MKKS: variants seen among roughly 807,000 people sequenced by gnomAD.
MKKS encodes the protein MKKS centrosomal shuttling protein.
MKKS carries 29 observed loss-of-function variants against 33.2 expected under a neutral mutation model. That is an observed-to-expected ratio of 0.87 (90% CI 0.65 to 1.19). The LOEUF (loss-of-function observed/expected upper bound fraction) is 1.19, where lower values mean the gene tolerates loss of function less well. MKKS is among the 50% of genes most tolerant of loss of function. MKKS has a pLI of 0.00. For synonymous variants in MKKS, 260 were observed against 244.0 expected, an observed-to-expected ratio of 1.07 and a Z score of -0.61; for missense variants, 661 against 662.3, an observed-to-expected ratio of 1.00 and a Z score of 0.02.
At chr20:10,432,395 A>G (rs377202669) in intron 1 of MKKS, among the ~76,000 whole-genome samples, 1 of 152,240 alleles carries the variant, frequency 6.6e-6, no homozygotes, top group African/African-American at 2.4e-5. Context: ...ATCTAGAAAC[A>G]TCTTGCTCAA....
intron 3 of MKKS, among the ~76,000 whole-genome samples, chr20:10,409,191 A>G (rs1212937329): frequency 6.7e-6 from 1 of 148,786 alleles, no homozygotes; most frequent in African/African-American, 2.5e-5. Context: ...GGGTGATGTG[A>G]CAGGCTATTT....
intron 2 of MKKS, among the ~76,000 whole-genome samples, chr20:10,415,611 A>G (rs1413239848): frequency 6.6e-6 from 1 of 152,224 alleles, no homozygotes; most frequent in African/African-American, 2.4e-5. Flanking sequence ...GCTATTACAG[A>G]TTCAGCAAAA....
intron 2 of MKKS, among the ~76,000 whole-genome samples, chr20:10,420,269 C>T (rs926586740): frequency 6.6e-6 from 1 of 152,134 alleles, no homozygotes; most frequent in Non-Finnish European, 1.5e-5. Flanking sequence ...CCTTTGCACA[C>T]ATTCATGATC....
chr20:10,427,150 G>A (rs1249190829), intron 1 of MKKS, among the ~76,000 whole-genome samples: 1 of 151,362 alleles, frequency 6.6e-6, no homozygotes, highest in Admixed American at 6.6e-5. Flanking sequence ...CTAGCCATCA[G>A]ATTATTCTAT....
chr20:10,415,485 G>A (rs1249053166), intron 2 of MKKS, among the ~76,000 whole-genome samples: 1 of 152,174 alleles, frequency 6.6e-6, no homozygotes, highest in Non-Finnish European at 1.5e-5. Context: ...GGCAATGATG[G>A]TCAGCTTTCT....
intron 2 of MKKS, among the ~76,000 whole-genome samples, chr20:10,415,928 G>T (rs1467138143): frequency 6.6e-6 from 1 of 151,812 alleles, no homozygotes; most frequent in Non-Finnish European, 1.5e-5. Context: ...GCCAAAACTT[G>T]TTGACCTGTG....
intron 3 of MKKS, among the ~76,000 whole-genome samples, chr20:10,409,711 G>T (rs955170793): frequency 1.3e-5 from 2 of 152,028 alleles, no homozygotes; most frequent in African/African-American, 4.8e-5. Flanking sequence ...AGTGGCTCAT[G>T]CCTGTAATCC....
chr20:10,412,956 G>T lies in MKKS; in HGVS notation c.559C>A (p.Pro187Thr). 1.2e-6 allele frequency: 2 copies of T among 1,613,828 alleles called. No individual in the cohort carries two copies. Among genetic ancestry groups the T allele is most frequent in the Non-Finnish European group, 1.7e-6 (2 of 1,179,958 alleles). The change falls in exon 3 of 6, where the codon CCA becomes ACA. Residue 187 changes from proline (P) to threonine (T), a missense_variant. Pro to Thr is a conservative substitution (Grantham distance 38). Transcript: ENST00000347364. ...LILRAFLLTI[P>T]ENAEGHIILG... ...ATGATGTGGCCTTCAGCATTTTCTG[G>T]AATTGTAAGCAAAAAGGCTCTCAGG...
intron 5 of MKKS, among the ~76,000 whole-genome samples, 157 bp downstream of exon 5, chr20:10,407,459 T>C (rs941693079): frequency 6.6e-6 from 1 of 152,234 alleles, no homozygotes; most frequent in Non-Finnish European, 1.5e-5. Flanking sequence ...TGTTAAAGGC[T>C]ACAAGTTTAC....
intron 1 of MKKS, among the ~76,000 whole-genome samples, chr20:10,423,411 G>C (rs1446866539): frequency 6.6e-6 from 1 of 151,980 alleles, no homozygotes; most frequent in Non-Finnish European, 1.5e-5. Context: ...GATGAAATGC[G>C]ATCGTTTCAA....
At position 10,408,714 on chromosome 20, in the gene MKKS, G is replaced by A. The variant is rs1414454066; in HGVS notation, c.1075C>T (p.His359Tyr). 3 of 1,613,846 alleles carry A rather than the reference G, an allele frequency of 1.9e-6. No homozygotes were observed. The highest frequency in any genetic ancestry group is 1.3e-5 in the African/African-American group (1 of 74,898). Reference protein sequence around the residue: ...DVCTAKFGSKHFFHLIPNEAT... With the variant: ...DVCTAKFGSKYFFHLIPNEAT... ...TCATTAGGAATAAGATGAAAAAAAT[G>A]TTTGGAGCCAAATTTTGCAGTGCAC... The change falls in exon 4 of 6, where the codon CAT (histidine) becomes TAT (tyrosine). Residue 359 changes from histidine to tyrosine, a missense_variant. Transcript: ENST00000347364.
intron 3 of MKKS, among the ~76,000 whole-genome samples, chr20:10,412,146 G>A (rs2064893164): frequency 6.6e-6 from 1 of 152,072 alleles, no homozygotes; most frequent in Non-Finnish European, 1.5e-5. Context: ...GAAGAAAAAG[G>A]GTCATTCTAG....
intron 5 of MKKS, 133 bp downstream of exon 5, chr20:10,407,483 C>G: frequency 4.0e-6 from 3 of 744,756 alleles, no homozygotes; most frequent in Non-Finnish European, 7.0e-6. Context: ...TATAACAAAC[C>G]TATACATGCA....
intron 1 of MKKS, among the ~76,000 whole-genome samples, chr20:10,427,262 C>T (rs1192580691): frequency 2.0e-5 from 3 of 152,134 alleles, no homozygotes; most frequent in East Asian, 1.9e-4. Context: ...CAAATGTTCT[C>T]ATTTTGCCTA....
chr20:10,426,393 C>A (rs1183061682), intron 1 of MKKS, among the ~76,000 whole-genome samples: 1 of 151,104 alleles, frequency 6.6e-6, no homozygotes, highest in Non-Finnish European at 1.5e-5. Flanking sequence ...CTTGGGGCAT[C>A]ATGCCTGGCA....
chr20:10,415,830 C>T (rs1319571245), intron 2 of MKKS, among the ~76,000 whole-genome samples: 1 of 152,174 alleles, frequency 6.6e-6, no homozygotes, highest in East Asian at 1.9e-4. Flanking sequence ...AGTAGTGAGA[C>T]CAGTACACAT....
intron 3 of MKKS, among the ~76,000 whole-genome samples, chr20:10,412,173 T>A (rs888191404): frequency 1.3e-5 from 2 of 152,228 alleles, no homozygotes; most frequent in African/African-American, 4.8e-5. Flanking sequence ...AATTACTTTC[T>A]AAATATAACA....
intron 1 of MKKS, among the ~76,000 whole-genome samples, chr20:10,427,287 C>T (rs992248931): frequency 3.9e-5 from 6 of 152,208 alleles, no homozygotes; most frequent in African/African-American, 1.2e-4. Flanking sequence ...GCTTGCTGGG[C>T]GCCATCTGCT....
chr20:10,430,373 T>C (rs187550106), intron 1 of MKKS, among the ~76,000 whole-genome samples: 1 of 152,324 alleles, frequency 6.6e-6, no homozygotes, highest in Admixed American at 6.5e-5. Flanking sequence ...ATGTGAATAA[T>C]AACATCCATA....
Sources: allele counts gnomAD v4.1 joint callset (sites outside exome capture counted in the v4.1 genomes callset), GRCh38; gene constraint gnomAD v4.1.1; transcripts MANE v1.5; gene names NCBI Gene and HGNC (gene_info 2026-07-23, HGNC 2026-07-21).